Variants in SYN3 observed in about 807,000 individuals in gnomAD.
SYN3 encodes the protein synapsin III.
In SYN3, 35 loss-of-function variants were observed where a neutral mutation model predicts 65.8. The ratio of observed to expected loss-of-function variants is 0.53; its 90% CI spans 0.41 to 0.70. SYN3 has a LOEUF of 0.70. SYN3 is among the 30% of genes least tolerant of loss of function. The pLI is 0.00. For synonymous variants in SYN3, 270 were observed against 292.9 expected (o/e 0.92, Z 0.80); for missense variants, 680 against 749.0 (o/e 0.91, Z 1.08).
At chr22:32,765,669 G>T (rs1232912878) in intron 6 of SYN3, among the ~76,000 whole-genome samples, 1 of 152,164 alleles carries the variant, frequency 6.6e-6, no homozygotes, top group Admixed American at 6.5e-5. Flanking sequence ...GGGCATGGCT[G>T]GCAGGAGCGG....
At chr22:32,840,447 G>A (rs1380921622) in intron 6 of SYN3, among the ~76,000 whole-genome samples, 1 of 152,028 alleles carries the variant, frequency 6.6e-6, no homozygotes, top group East Asian at 1.9e-4. Context: ...CCTATTTGTG[G>A]GACTTCTCTG....
chr22:32,778,766 T>A (rs2045967081), intron 6 of SYN3, among the ~76,000 whole-genome samples: 1 of 152,210 alleles, frequency 6.6e-6, no homozygotes, highest in South Asian at 2.1e-4. Flanking sequence ...GATGACATTA[T>A]TTTGAAGACA....
chr22:32,529,151 TGGGAC>T, intron 10 of SYN3, 143 bp from the exon 11 acceptor site: 1 of 1,018,032 alleles, frequency 9.8e-7, no homozygotes, highest in South Asian at 1.5e-5. Flanking sequence ...CACCTCCAGC[TGGGAC>T]TGGCCGGCAG....
intron 6 of SYN3, among the ~76,000 whole-genome samples, chr22:32,765,649 T>G (rs1260047456): frequency 2.0e-5 from 3 of 151,990 alleles, no homozygotes; most frequent in African/African-American, 4.8e-5. Context: ...CACGTGAGCG[T>G]TAAGAGTTTG....
intron 6 of SYN3, among the ~76,000 whole-genome samples, chr22:32,614,030 A>C (rs1481291654): frequency 6.6e-6 from 1 of 152,184 alleles, no homozygotes; most frequent in East Asian, 1.9e-4. Context: ...CAAGTTCTGC[A>C]TTTGTGAATA....
rs368538529 is a variant in SYN3 at position 32,776,676 on chromosome 22, C to G, written c.711+88239G>C. On this transcript the variant is annotated intron_variant, in intron 6 of 13. Coordinates refer to ENST00000358763, the MANE Select transcript of SYN3 (RefSeq NM_003490.4). ...CACGCAGCCTTGAGCAATGGCTTAC[C>G]ATGCTCCCTCTGCACTACCCTAAGT... is the stretch of plus-strand genomic sequence containing the variant. Among the ~76,000 whole-genome samples the G allele has an allele frequency of 2.6e-4, 40 of 152,336 alleles. No homozygotes were observed. The East Asian group carries it at 4.2e-3, about 16-fold the overall frequency.
intron 6 of SYN3, among the ~76,000 whole-genome samples, chr22:32,650,372 T>A (rs2899192): frequency 0.04 from 6,032 of 149,952 alleles, 292 homozygotes; most frequent in African/African-American, 0.11. Context: ...ACTCAAGCAA[T>A]CCTTCCACCT....
rs1036513356 is a variant in SYN3, at chr22:33,025,026, C to T, written c.-162-18202G>A. Among the ~76,000 whole-genome samples, 8 of 152,152 alleles carry T rather than the reference C, an allele frequency of 5.3e-5. 1 individual carries two copies. The highest frequency in any genetic ancestry group is 5.2e-4 in the Admixed American group (8 of 15,276). On this transcript the variant is annotated intron_variant, in intron 1 of 13. Coordinates refer to ENST00000358763, the MANE Select transcript of SYN3 (RefSeq NM_003490.4). Reference sequence around the variant, plus strand: ...GTATGAGTCTCCTCTCCTTTCTGGCCCCATTTTGTCTGAGTCTGACAAAAA... The same window carrying T: ...GTATGAGTCTCCTCTCCTTTCTGGCTCCATTTTGTCTGAGTCTGACAAAAA...
intron 4 of SYN3, among the ~76,000 whole-genome samples, chr22:32,905,771 G>C: frequency 6.6e-6 from 1 of 152,344 alleles, no homozygotes; most frequent in Non-Finnish European, 1.5e-5. Context: ...TATATGGGCA[G>C]CTCTGGCCTG....
At chr22:32,702,602 T>C (rs2060824901) in intron 6 of SYN3, among the ~76,000 whole-genome samples, 1 of 152,270 alleles carries the variant, frequency 6.6e-6, no homozygotes. Flanking sequence ...AAAGATCTTC[T>C]GATATCCACT....
rs73881912 is a variant in SYN3 at position 32,914,033 on chromosome 22, C to A, written c.461+17357G>T. ...TTTGTAAGCGTTTAATGTGAATTAG[C>A]TCATTTCACTCTCCCAACCATAACT... On this transcript the variant is annotated intron_variant, in intron 4 of 13. Transcript: ENST00000358763. Among the ~76,000 whole-genome samples the A allele has an allele frequency of 5.1e-3, 783 of 152,304 alleles. 8 individuals are homozygous for A. Among genetic ancestry groups the A allele is most frequent in the African/African-American group, 0.018 (760 of 41,558 alleles).
chr22:32,508,533 A>G lies in SYN3; in HGVS notation c.*5159T>C, dbSNP rs1398460787. ...CCCCAAGGAGAGGTCTCATGTTCTC[A>G]TTCTGCCTCCTCCCATTCCTCTTCA... is the stretch of plus-strand genomic sequence containing the variant. On this transcript the variant is annotated 3_prime_UTR_variant, in exon 14 of 14. Transcript: ENST00000358763. Among the ~76,000 whole-genome samples the G allele has an allele frequency of 6.6e-6, 1 of 152,094 alleles. No individual in the cohort carries two copies. Among genetic ancestry groups the G allele is most frequent in the Non-Finnish European group, 1.5e-5 (1 of 68,024 alleles).
Position 32,510,967 on chromosome 22 carries a change from C to T in SYN3, c.*2725G>A, listed in dbSNP as rs184592211. Among the ~76,000 whole-genome samples the T allele has an allele frequency of 1.9e-4, 27 of 145,684 alleles. No homozygotes were observed. The highest frequency in any genetic ancestry group is 6.4e-4 in the African/African-American group (24 of 37,480). The stretch of plus-strand genomic sequence containing the variant: ...ATTTTAGGATGTGCATTTGTCAATT[C>T]CAAGTTATTGTCCAGGCGTGTGTGT... On this transcript the variant is annotated 3_prime_UTR_variant, in exon 14 of 14. Coordinates refer to ENST00000358763, the MANE Select transcript of SYN3 (RefSeq NM_003490.4).
At chr22:33,023,175 C>T (rs2053586530) in intron 1 of SYN3, among the ~76,000 whole-genome samples, 1 of 152,106 alleles carries the variant, frequency 6.6e-6, no homozygotes, top group Non-Finnish European at 1.5e-5. Flanking sequence ...CGCAGGGAGA[C>T]CCTGCCTGAT....
intron 6 of SYN3, among the ~76,000 whole-genome samples, chr22:32,689,847 A>G (rs1442466500): frequency 6.6e-6 from 1 of 152,154 alleles, no homozygotes; most frequent in Admixed American, 6.5e-5. Flanking sequence ...ATCAGGGCAG[A>G]GTTTTTCATG....
At chr22:32,520,875 C>T (rs2057869006) in intron 12 of SYN3, among the ~76,000 whole-genome samples, 1 of 152,184 alleles carries the variant, frequency 6.6e-6, no homozygotes, top group African/African-American at 2.4e-5. Flanking sequence ...TAAGTCACTC[C>T]CCTTCTCTGG....
rs2052384518 is a variant in SYN3 at position 32,981,871 on chromosome 22, G to A, written c.312-1169C>T. On this transcript the variant is annotated intron_variant, in intron 2 of 13. Transcript: ENST00000358763. The stretch of plus-strand genomic sequence containing the variant: ...TTCATCATGTTATCTTCACATATAT[G>A]TTAATCCTGTCTCCCCTACCCTTTG... 3.3e-5 allele frequency among the ~76,000 whole-genome samples: 5 copies of A among 152,148 alleles called. No individual in the cohort carries two copies. The South Asian group carries it at 1.0e-3, about 32-fold the overall frequency.
chr22:32,680,415 A>G (rs1310937101), intron 6 of SYN3, among the ~76,000 whole-genome samples: 1 of 151,694 alleles, frequency 6.6e-6, no homozygotes, highest in African/African-American at 2.4e-5. Context: ...AAGACTGTCA[A>G]CTCTTTGAGG....
At chr22:32,528,067 A>G in intron 11 of SYN3, 62 bp from the exon 12 acceptor site, 2 of 1,283,528 alleles carry the variant, frequency 1.6e-6, no homozygotes, top group Non-Finnish European at 2.1e-6. Flanking sequence ...CCTGGGTGAG[A>G]GGGCAGCATT....
Sources: allele counts gnomAD v4.1 joint callset (sites outside exome capture counted in the v4.1 genomes callset), GRCh38; gene constraint gnomAD v4.1.1; transcripts MANE v1.5; gene names NCBI Gene and HGNC (gene_info 2026-07-23, HGNC 2026-07-21).